The following CHST9 variants were observed in gnomAD, a reference collection of about 807,000 sequenced individuals.
The protein encoded by CHST9 is GalNAc-4-sulfotransferase 2.
A neutral mutation model predicts 44.4 loss-of-function variants in CHST9; 41 were observed. That is an observed-to-expected ratio of 0.92 (90% confidence interval 0.72 to 1.20). The LOEUF is 1.20. Among genes scored for constraint, CHST9 ranks in the 50% most tolerant of loss-of-function variants. CHST9 has a pLI of 0.00. For synonymous variants in CHST9, 171 were observed against 178.4 expected, an observed-to-expected ratio of 0.96 and a Z score of 0.33; for missense variants, 504 against 516.5, an observed-to-expected ratio of 0.98 and a Z score of 0.23.
intron 2 of CHST9, among the ~76,000 whole-genome samples, chr18:27,058,896 C>A (rs2057689288): frequency 6.6e-6 from 1 of 152,112 alleles, no homozygotes. Context: ...ATAGTCAAAA[C>A]AACGCTTTTC....
Position 27,159,147 on chromosome 18 carries a change from C to T in CHST9, c.-96-16242G>A, listed in dbSNP as rs569487859. Among the ~76,000 whole-genome samples, 9 of 152,050 alleles carry T rather than the reference C, an allele frequency of 5.9e-5. No individual in the cohort carries two copies. In the South Asian group the frequency reaches 1.5e-3, roughly 25 times the overall value. On this transcript the variant is annotated intron_variant, in intron 1 of 5. Coordinates refer to ENST00000618847, the MANE Select transcript of CHST9 (RefSeq NM_031422.6). ...CATTTGTCAATTTTGGCTTTTGTTGCCATTGCTTTGGTGTTTTAGACATCA... is the reference window on the plus strand; with the variant it reads ...CATTTGTCAATTTTGGCTTTTGTTGTCATTGCTTTGGTGTTTTAGACATCA...
At chr18:26,979,530 T>C (rs2056666060) in intron 4 of CHST9, among the ~76,000 whole-genome samples, 2 of 152,178 alleles carry the variant, frequency 1.3e-5, no homozygotes, top group Non-Finnish European at 2.9e-5. Flanking sequence ...CTTCCTTTGG[T>C]AGCTCCCCAT....
In CHST9 at chr18:27,092,150, C is replaced by T. The variant is rs1001493279; in HGVS notation, c.122-43647G>A. Among the ~76,000 whole-genome samples the T allele has an allele frequency of 2.3e-4, 35 of 152,160 alleles. 1 individual carries two copies. The highest frequency in any genetic ancestry group is 2.9e-5 in the Non-Finnish European group (2 of 68,014). ...GTTATTTGTCTATTCAGAGATTCAA[C>T]TTCTTCCTGGTTTAGTCTTGGGAGG... On this transcript the variant is annotated intron_variant, in intron 2 of 5. Coordinates refer to ENST00000618847, the MANE Select transcript of CHST9 (RefSeq NM_031422.6).
chr18:27,113,646 G>A (rs1192427075), intron 2 of CHST9, among the ~76,000 whole-genome samples: 1 of 152,134 alleles, frequency 6.6e-6, no homozygotes, highest in Non-Finnish European at 1.5e-5. Flanking sequence ...GCAAGAAGGT[G>A]CCATCTCTGA....
intron 2 of CHST9, among the ~76,000 whole-genome samples, chr18:27,115,201 G>T (rs775404071): frequency 2.0e-5 from 3 of 151,962 alleles, no homozygotes; most frequent in Non-Finnish European, 4.4e-5. Flanking sequence ...CCCAGTCTTG[G>T]GTGTTTCTTC....
intron 3 of CHST9, among the ~76,000 whole-genome samples, chr18:27,029,275 T>C (rs1277392177): frequency 6.6e-6 from 1 of 152,206 alleles, no homozygotes; most frequent in Non-Finnish European, 1.5e-5. Flanking sequence ...CATGTATTTC[T>C]TGACTTTGTA....
chr18:27,103,194 C>T (rs542257529), intron 2 of CHST9, among the ~76,000 whole-genome samples: 4 of 152,126 alleles, frequency 2.6e-5, no homozygotes, highest in East Asian at 1.9e-4. Flanking sequence ...AGGCATAGAA[C>T]GGGTAGGTGG....
intron 1 of CHST9, among the ~76,000 whole-genome samples, chr18:27,168,103 C>T (rs1218755556): frequency 1.6e-4 from 22 of 140,720 alleles, no homozygotes; most frequent in Non-Finnish European, 2.9e-4. Context: ...GAGACGGAGT[C>T]TTGCTCTGTC....
At position 26,913,266 on chromosome 18, in the gene CHST9, TC is replaced by T. The variant is rs1436227522; in HGVS notation, c.*2992del. 5.9e-5 allele frequency: 9 copies of T among 152,168 alleles called. No homozygotes were observed. The highest frequency in any genetic ancestry group is 5.9e-4 in the Admixed American group (9 of 15,266). The allele number at this position is 152,168 out of a possible 1,614,324, so 9.4% of individuals were successfully genotyped here. A position where few individuals can be genotyped will look rare whatever the true frequency, so the allele number is the denominator to read the frequency against. On this transcript the variant is annotated 3_prime_UTR_variant, in exon 6 of 6. Coordinates refer to ENST00000618847, the MANE Select transcript of CHST9 (RefSeq NM_031422.6). The stretch of plus-strand genomic sequence containing the variant: ...TAGTTCTTGAATTAGAACTACTAAT[TC>T]CCTAATGATAATAATATTATTATTT...
intron 4 of CHST9, among the ~76,000 whole-genome samples, chr18:27,000,658 C>CTCTCTA (rs2056941372): frequency 1.3e-5 from 1 of 74,528 alleles, no homozygotes; most frequent in South Asian, 3.8e-4. Context: ...CTATCTATCT[C>CTCTCTA]TCTATCTATC....
intron 1 of CHST9, among the ~76,000 whole-genome samples, chr18:27,161,436 G>C (rs1195233900): frequency 4.6e-5 from 7 of 152,020 alleles, no homozygotes; most frequent in Non-Finnish European, 7.4e-5. Context: ...CGAGTTTCTG[G>C]ATCCTGAGTT....
At position 27,152,816 on chromosome 18, in the gene CHST9, T is replaced by C. The variant is rs1219176527; in HGVS notation, c.-96-9911A>G. Among the ~76,000 whole-genome samples the C allele has an allele frequency of 3.3e-5, 5 of 152,132 alleles. No homozygotes were observed. The East Asian group carries it at 9.7e-4, about 29-fold the overall frequency. On this transcript the variant is annotated intron_variant, in intron 1 of 5. Transcript: ENST00000618847. The stretch of plus-strand genomic sequence containing the variant: ...TTTCTGCGGTGGTACAAAAAAATGG[T>C]AATTTGGGTGGTCATATCTAAGATG...
At position 27,173,482 on chromosome 18, in the gene CHST9, T is replaced by A. The variant is rs1598779390; in HGVS notation, c.-97+11654A>T. Among the ~76,000 whole-genome samples the A allele has an allele frequency of 1.3e-5, 2 of 152,060 alleles. 1 individual carries two copies. Among genetic ancestry groups the A allele is most frequent in the African/African-American group, 4.8e-5 (2 of 41,440 alleles). On this transcript the variant is annotated intron_variant, in intron 1 of 5. Coordinates refer to ENST00000618847, the MANE Select transcript of CHST9 (RefSeq NM_031422.6). The stretch of plus-strand genomic sequence containing the variant: ...AGAATAAAACACATATTGCCATAGA[T>A]GACTCATTTCCCTTTAAAATTTCTC...
chr18:26,916,604 C>A lies in CHST9; in HGVS notation c.987G>T (p.Lys329Asn). The part of the protein sequence containing the change: ...EEALINGSGV[K>N]FKEFIHYLLD... ...GCAAGTAGTGGATAAACTCTTTGAA[C>A]TTGACTCCAGATCCATTAATTAATG... Residue 329 changes from lysine to asparagine, a missense_variant, in exon 6 of 6, where the codon AAG becomes AAT. By Grantham distance (94) the Lys-to-Asn change is moderately conservative. Coordinates refer to ENST00000618847, the MANE Select transcript of CHST9 (RefSeq NM_031422.6). The A allele has an allele frequency of 6.2e-7, 1 of 1,613,832 alleles. No individual in the cohort carries two copies. The highest frequency in any genetic ancestry group is 8.5e-7 in the Non-Finnish European group (1 of 1,179,776).
chr18:26,992,119 T>G (rs1320558336), intron 4 of CHST9, among the ~76,000 whole-genome samples: 1 of 126,908 alleles, frequency 7.9e-6, no homozygotes, highest in African/African-American at 2.7e-5. Flanking sequence ...GATCCCAACT[T>G]TGAGGTTGAG....
intron 2 of CHST9, among the ~76,000 whole-genome samples, chr18:27,105,777 A>C (rs2058215570): frequency 6.6e-6 from 1 of 152,100 alleles, no homozygotes; most frequent in South Asian, 2.1e-4. Context: ...TTGGACCAGA[A>C]ATGTGCTTTG....
chr18:26,962,130 GAC>G (rs2056407873), intron 4 of CHST9, among the ~76,000 whole-genome samples: 1 of 152,098 alleles, frequency 6.6e-6, no homozygotes, highest in Non-Finnish European at 1.5e-5. Context: ...TTTAAACTGA[GAC>G]ACAGCTTACA....
At chr18:26,974,799 G>C (rs541025894) in intron 4 of CHST9, among the ~76,000 whole-genome samples, 1 of 151,536 alleles carries the variant, frequency 6.6e-6, no homozygotes, top group Non-Finnish European at 1.5e-5. Flanking sequence ...TCAGCCTCCC[G>C]AGGAGCTGGG....
intron 2 of CHST9, among the ~76,000 whole-genome samples, chr18:27,103,923 T>C (rs746203823): frequency 6.6e-6 from 1 of 152,198 alleles, no homozygotes; most frequent in Non-Finnish European, 1.5e-5. Context: ...ATGAGATTTC[T>C]AGGATTTACA....
Sources: gnomAD v4.1 joint callset for allele counts (sites outside exome capture counted in the v4.1 genomes callset) on GRCh38, gnomAD v4.1.1 for gene constraint, MANE v1.5 for transcripts, NCBI Gene and HGNC (gene_info 2026-07-23, HGNC 2026-07-21) for gene names.